The following HLTF variants were observed in gnomAD, a reference collection of about 807,000 sequenced individuals.
HLTF encodes helicase like transcription factor.
A neutral mutation model predicts 129.4 loss-of-function variants in HLTF; 127 were observed. That is an observed-to-expected ratio of 0.98 (90% CI 0.85 to 1.14). The LOEUF (loss-of-function observed/expected upper bound fraction) is 1.14, where lower values mean the gene tolerates loss of function less well. Among genes scored for constraint, HLTF ranks in the 50% most tolerant of loss-of-function variants. HLTF has a pLI of 0.00. For missense variants in HLTF, 1,139 were observed against 1,187.1 expected (o/e 0.96, Z 0.60); for synonymous variants, 332 against 388.8 (o/e 0.85, Z 1.72).
intron 18 of HLTF, among the ~76,000 whole-genome samples, chr3:149,043,390 A>G (rs1296029091): frequency 6.6e-6 from 1 of 151,878 alleles, no homozygotes; most frequent in African/African-American, 2.4e-5. Flanking sequence ...AAAGACATCT[A>G]ACATACACAG....
rs1189980422 is a variant in HLTF at position 149,071,691 on chromosome 3, C to T, written c.628-34G>A. ...AACAGCAACAAGAAACAATGTAAAA[C>T]AAACTAATTAAAATAATACTTGCAT... is the stretch of plus-strand genomic sequence containing the variant. On this transcript the variant is annotated intron_variant, in intron 5 of 24. Transcript: ENST00000310053. 5 of 1,237,102 alleles carry T rather than the reference C, an allele frequency of 4.0e-6. No homozygotes were observed. The South Asian group carries it at 6.6e-5, about 16-fold the overall frequency. 76.6% of individuals were successfully genotyped at this position (1,237,102 alleles called of 1,614,324 possible).
At position 149,086,306 on chromosome 3, in the gene HLTF, G is replaced by GC; in HGVS notation, c.20+10dup. 1 of 1,598,508 alleles carries GC rather than the reference G, an allele frequency of 6.3e-7. No homozygotes were observed. ...TTAGACCGAGCGCCCCACCCCCTCC[G>GC]CCCCCTTCACCTCTTGAACATCCAG... is the stretch of plus-strand genomic sequence containing the variant. On this transcript the variant is annotated intron_variant, in intron 1 of 24. Coordinates refer to ENST00000310053, the MANE Select transcript of HLTF (RefSeq NM_003071.4).
Position 149,064,670 on chromosome 3 carries a change from A to G in HLTF, c.1066+121T>C. ...AAAAAGAGATCCTAAATTTTTGTAC[A>G]GTACAAAGCCAAAACTAGAATTACA... On this transcript the variant is annotated intron_variant, in intron 9 of 24. Coordinates refer to ENST00000310053, the MANE Select transcript of HLTF (RefSeq NM_003071.4). The G allele has an allele frequency of 8.0e-6, 5 of 627,350 alleles. No homozygotes were observed. In the South Asian group the frequency reaches 1.1e-4, roughly 13 times the overall value. 38.9% of individuals were successfully genotyped at this position (627,350 alleles called of 1,614,324 possible).
At position 149,055,350 on chromosome 3, in the gene HLTF, T is replaced by C. The variant is rs1360215708; in HGVS notation, c.1426A>G (p.Arg476Gly). ...SKKTDVEERP[R>G]TTLIICPLSV... is the part of the protein sequence containing the mutation. The stretch of plus-strand genomic sequence containing the variant: ...AGCGGACAGATGATCAGTGTTGTTC[T>C]TGGTCTCTCCTCAACATCAGTTTTC... The change falls in exon 14 of 25, where the codon AGA becomes GGA. Residue 476 changes from arginine (R) to glycine (G), a missense_variant. Arg to Gly is a moderately radical substitution (Grantham distance 125, BLOSUM62 -2). Coordinates refer to ENST00000310053, the MANE Select transcript of HLTF (RefSeq NM_003071.4). The C allele has an allele frequency of 6.2e-7, 1 of 1,614,042 alleles. No homozygotes were observed. The highest frequency in any genetic ancestry group is 2.2e-5 in the East Asian group (1 of 44,854).
At chr3:149,070,787 G>A (rs903539959) in intron 7 of HLTF, among the ~76,000 whole-genome samples, 1 of 152,190 alleles carries the variant, frequency 6.6e-6, no homozygotes, top group Non-Finnish European at 1.5e-5. Flanking sequence ...GCTCACATCT[G>A]TAACCCCAGC....
At chr3:149,056,452 C>T (rs1043807655) in intron 13 of HLTF, among the ~76,000 whole-genome samples, 1 of 152,122 alleles carries the variant, frequency 6.6e-6, no homozygotes, top group Non-Finnish European at 1.5e-5. Flanking sequence ...ATTGTATTTT[C>T]ACACTAATTT....
chr3:149,051,125 T>C (rs1290377693), intron 14 of HLTF, among the ~76,000 whole-genome samples: 5 of 151,736 alleles, frequency 3.3e-5, no homozygotes, highest in Admixed American at 6.6e-5. Context: ...ACAAGACTGA[T>C]AGGACTTGGG....
In HLTF at chr3:149,086,516, C is replaced by A; in HGVS notation, c.-180G>T. The stretch of plus-strand genomic sequence containing the variant: ...GAGTCCAGTCAGACGTCGACGCCGT[C>A]TCCTTCTGCAACAATCTGGGAGACC... On this transcript the variant is annotated 5_prime_UTR_variant, in exon 1 of 25. Transcript: ENST00000310053. The A allele has an allele frequency of 1.6e-6, 1 of 644,308 alleles. No homozygotes were observed. 39.9% of individuals were successfully genotyped at this position (644,308 alleles called of 1,614,324 possible). A position where few individuals can be genotyped will look rare whatever the true frequency, so the allele number is the denominator to read the frequency against.
chr3:149,085,383 G>A (rs942695071), intron 1 of HLTF, among the ~76,000 whole-genome samples: 11 of 152,126 alleles, frequency 7.2e-5, no homozygotes, highest in Non-Finnish European at 7.4e-5. Context: ...CAGCTACTCG[G>A]GAGGCTGAGG....
At chr3:149,034,896 A>G (rs1012788454) in intron 24 of HLTF, 22 bp downstream of exon 24, 1 of 1,523,462 alleles carries the variant, frequency 6.6e-7, no homozygotes, top group Non-Finnish European at 9.1e-7. Flanking sequence ...CTAGTCTTAA[A>G]ATAGTTTGTT....
chr3:149,073,224 C>T lies in HLTF; in HGVS notation c.627+1G>A, dbSNP rs762772477. ...GATTACAAAATAAAAGAGAAGCACA[C>T]CTGTTCAGTTGTCATCTGTACTGCA... On this transcript the variant is annotated splice_donor_variant, in intron 5 of 24. Coordinates refer to ENST00000310053, the MANE Select transcript of HLTF (RefSeq NM_003071.4). LOFTEE classifies it high-confidence loss of function. 7 of 1,579,292 alleles carry T rather than the reference C, an allele frequency of 4.4e-6. No homozygotes were observed. The highest frequency in any genetic ancestry group is 1.8e-5 in the Admixed American group (1 of 55,672).
At chr3:149,069,751 A>G (rs1016919438) in intron 7 of HLTF, among the ~76,000 whole-genome samples, 1 of 152,244 alleles carries the variant, frequency 6.6e-6, no homozygotes, top group South Asian at 2.1e-4. Context: ...GATACTTTCT[A>G]GAAAATGAAC....
At chr3:149,036,927 T>C (rs879537373) in intron 23 of HLTF, among the ~76,000 whole-genome samples, 5 of 152,182 alleles carry the variant, frequency 3.3e-5, no homozygotes, top group Admixed American at 2.6e-4. Flanking sequence ...TCTGTAAATT[T>C]TTAAAAACTG....
At chr3:149,049,368 T>C (rs1391075880) in intron 15 of HLTF, among the ~76,000 whole-genome samples, 2 of 152,206 alleles carry the variant, frequency 1.3e-5, no homozygotes, top group Non-Finnish European at 2.9e-5. Flanking sequence ...AAAATGGCAG[T>C]TGTAAGAATT....
chr3:149,066,101 C>T (rs1270743614), intron 8 of HLTF, among the ~76,000 whole-genome samples: 3 of 151,620 alleles, frequency 2.0e-5, no homozygotes, highest in Admixed American at 2.0e-4. Flanking sequence ...GGCTGGAGTG[C>T]AACGGCACAA....
chr3:149,035,325 A>G (rs1360488692), intron 23 of HLTF, among the ~76,000 whole-genome samples: 1 of 152,138 alleles, frequency 6.6e-6, no homozygotes, highest in Non-Finnish European at 1.5e-5. Flanking sequence ...CAGCAGAAAA[A>G]GGTTATACAT....
chr3:149,054,666 T>C (rs1343243668), intron 14 of HLTF, among the ~76,000 whole-genome samples: 3 of 152,066 alleles, frequency 2.0e-5, no homozygotes, highest in Non-Finnish European at 4.4e-5. Flanking sequence ...CCAATGTCAA[T>C]GTTTCAGAAC....
intron 13 of HLTF, among the ~76,000 whole-genome samples, chr3:149,057,799 C>A (rs543063791): frequency 3.9e-5 from 6 of 152,332 alleles, no homozygotes; most frequent in African/African-American, 1.4e-4. Context: ...CATCATACTG[C>A]AAAGTAGATT....
At chr3:149,039,755 G>GT in intron 21 of HLTF, 62 bp from the exon 22 acceptor site, 1 of 894,012 alleles carries the variant, frequency 1.1e-6, no homozygotes, top group Non-Finnish European at 1.7e-6. Context: ...TAGTCTAAAA[G>GT]TTTTTATCAT....
Sources: allele counts gnomAD v4.1 joint callset (sites outside exome capture counted in the v4.1 genomes callset), GRCh38; gene constraint gnomAD v4.1.1; transcripts MANE v1.5; gene names NCBI Gene and HGNC (gene_info 2026-07-23, HGNC 2026-07-21).